Variants in PRKN observed in about 807,000 individuals in gnomAD.
PRKN encodes the protein E3 ubiquitin-protein ligase parkin.
Under a neutral mutation model 59.5 loss-of-function variants are expected in PRKN, and 56 were observed. The ratio of observed to expected loss-of-function variants is 0.94; its 90% CI spans 0.76 to 1.18. The LOEUF (loss-of-function observed/expected upper bound fraction) is 1.18, where lower values mean the gene tolerates loss of function less well. Among genes scored for constraint, PRKN ranks in the 50% most tolerant of loss-of-function variants. PRKN has a pLI of 0.00. For synonymous variants in PRKN, 250 were observed against 222.1 expected (o/e 1.13, Z -1.12); for missense variants, 657 against 596.4 (o/e 1.10, Z -1.06).
At chr6:162,125,381 G>A (rs1373878219) in intron 4 of PRKN, among the ~76,000 whole-genome samples, 3 of 152,130 alleles carry the variant, frequency 2.0e-5, no homozygotes, top group Non-Finnish European at 4.4e-5. Context: ...TTCTTCACTG[G>A]CGCAGAACTT....
At chr6:162,067,955 G>A (rs559775513) in intron 4 of PRKN, among the ~76,000 whole-genome samples, 5 of 152,292 alleles carry the variant, frequency 3.3e-5, no homozygotes, top group African/African-American at 1.2e-4. Flanking sequence ...GTTTTACCAT[G>A]AACTACAGTG....
chr6:161,789,153 C>T, intron 6 of PRKN, among the ~76,000 whole-genome samples: 1 of 152,220 alleles, frequency 6.6e-6, no homozygotes, highest in African/African-American at 2.4e-5. Context: ...GAGGAATAAA[C>T]ATGACACCAA....
chr6:162,328,823 T>C (rs763453811), intron 2 of PRKN, among the ~76,000 whole-genome samples: 4 of 152,100 alleles, frequency 2.6e-5, no homozygotes, highest in Non-Finnish European at 5.9e-5. Context: ...AGGCAGCCAA[T>C]GGTCATGCCC....
intron 7 of PRKN, among the ~76,000 whole-genome samples, chr6:161,644,722 G>T (rs1025870641): frequency 6.6e-5 from 10 of 152,220 alleles, no homozygotes; most frequent in Non-Finnish European, 1.5e-4. Flanking sequence ...CCTGGGGAGA[G>T]AGTCTATTTG....
At chr6:161,601,614 G>T (rs1045069414) in intron 7 of PRKN, among the ~76,000 whole-genome samples, 1 of 146,498 alleles carries the variant, frequency 6.8e-6, no homozygotes, top group African/African-American at 2.5e-5. Context: ...ACGGAGTTTC[G>T]CTCTGTAGCC....
chr6:161,644,233 C>G (rs1373755383), intron 7 of PRKN, among the ~76,000 whole-genome samples: 1 of 152,090 alleles, frequency 6.6e-6, no homozygotes, highest in Non-Finnish European at 1.5e-5. Context: ...CCCAAACTAA[C>G]CAGACTGTTG....
At chr6:161,871,442 C>T (rs1353633555) in intron 6 of PRKN, among the ~76,000 whole-genome samples, 3 of 152,140 alleles carry the variant, frequency 2.0e-5, no homozygotes, top group Non-Finnish European at 4.4e-5. Flanking sequence ...TAAAGCCATG[C>T]ACACACTTAG....
chr6:162,205,747 GAC>G (rs1339441681), intron 3 of PRKN, among the ~76,000 whole-genome samples: 1 of 132,290 alleles, frequency 7.6e-6, no homozygotes, highest in East Asian at 2.1e-4. Flanking sequence ...TACACACACA[GAC>G]ACACACACAC....
At position 161,422,927 on chromosome 6, in the gene PRKN, A is replaced by G. The variant is rs55819249; in HGVS notation, c.1084-36050T>C. On this transcript the variant is annotated intron_variant, in intron 9 of 11. Transcript: ENST00000366898. ...ACAGCAGCCCTTTTCTAGGGCTGAC[A>G]TCGACTGCCACATCACTCACAGCAT... Among the ~76,000 whole-genome samples the G allele has an allele frequency of 1.1e-3, 171 of 152,342 alleles. 2 individuals carry two copies. The highest frequency in any genetic ancestry group is 4.0e-3 in the African/African-American group (165 of 41,560).
At chr6:162,408,978 C>T (rs1403228418) in intron 2 of PRKN, among the ~76,000 whole-genome samples, 1 of 151,392 alleles carries the variant, frequency 6.6e-6, no homozygotes, top group Non-Finnish European at 1.5e-5. Context: ...CCTTGTCTTC[C>T]ATCCCTGCCT....
In PRKN at chr6:161,385,669, C is replaced by T. The variant is rs141814258; in HGVS notation, c.1167+1125G>A. Among the ~76,000 whole-genome samples, 27 of 152,308 alleles carry T rather than the reference C, an allele frequency of 1.8e-4. No homozygotes were observed. Among genetic ancestry groups the T allele is most frequent in the Non-Finnish European group, 3.1e-4 (21 of 68,032 alleles). On this transcript the variant is annotated intron_variant, in intron 10 of 11. Coordinates refer to ENST00000366898, the MANE Select transcript of PRKN (RefSeq NM_004562.3). This position sits in a 1 kb window ranked among gnomAD's most constrained non-coding sequence, Gnocchi z 4.9. ...TGGATGTAAATTGCTAGACTAACTC[C>T]GTTTCCCAGAGCCTCAGGTATACCC...
intron 1 of PRKN, among the ~76,000 whole-genome samples, chr6:162,542,254 T>C (rs959538559): frequency 6.6e-6 from 1 of 152,166 alleles, no homozygotes; most frequent in African/African-American, 2.4e-5. Context: ...TGAAAACAAC[T>C]GACATCAGGT....
chr6:162,412,394 C>T (rs1272800926), intron 2 of PRKN, among the ~76,000 whole-genome samples: 1 of 151,858 alleles, frequency 6.6e-6, no homozygotes, highest in African/African-American at 2.4e-5. Context: ...GTGGGGACTA[C>T]GGGACTCACT....
At chr6:162,436,176 CAAAAAAAAAAAAAAA>C (rs35792526) in intron 2 of PRKN, among the ~76,000 whole-genome samples, 2 of 54,686 alleles carry the variant, frequency 3.7e-5, no homozygotes, top group African/African-American at 6.6e-5. Flanking sequence ...ACTCCATCTC[CAAAAAAAAAAAAAAA>C]AAAAAAAAAA....
At chr6:162,155,814 A>G (rs2128314983) in intron 4 of PRKN, among the ~76,000 whole-genome samples, 1 of 151,954 alleles carries the variant, frequency 6.6e-6, no homozygotes, top group South Asian at 2.1e-4. Flanking sequence ...AAAAAAAAAA[A>G]AGAGTCAAGG....
At chr6:162,167,313 G>A (rs773402861) in intron 4 of PRKN, among the ~76,000 whole-genome samples, 11 of 152,140 alleles carry the variant, frequency 7.2e-5, no homozygotes, top group Non-Finnish European at 1.5e-4. Flanking sequence ...GGTAAAGCTG[G>A]AATGCCTGGA....
intron 2 of PRKN, among the ~76,000 whole-genome samples, chr6:162,415,116 C>T (rs565753720): frequency 2.6e-5 from 4 of 152,198 alleles, no homozygotes; most frequent in East Asian, 1.9e-4. Flanking sequence ...ATCGAAGATG[C>T]GGCAGAACCA....
rs539232566 is a variant in PRKN, at chr6:162,369,834, T to A, written c.171+73476A>T. ...TCTACATTTTGCATAGCACTAAGGA[T>A]GGCAGACCTAGGAGCTGAGTTAGCC... On this transcript the variant is annotated intron_variant, in intron 2 of 11. Transcript: ENST00000366898. Among the ~76,000 whole-genome samples, 8 of 152,256 alleles carry A rather than the reference T, an allele frequency of 5.3e-5. No homozygotes were observed. In the South Asian group the frequency reaches 1.4e-3, roughly 28 times the overall value.
rs868118116 is a variant in PRKN, at chr6:161,821,719, C to T, written c.735-35811G>A. On this transcript the variant is annotated intron_variant, in intron 6 of 11. Coordinates refer to ENST00000366898, the MANE Select transcript of PRKN (RefSeq NM_004562.3). ...TTTGGAAAATATTTCCACTGGTGTT[C>T]TTTTTTTTTTTTTTTTTTTTTTTTT... Among the ~76,000 whole-genome samples, 513 of 64,648 alleles carry T rather than the reference C, an allele frequency of 7.9e-3. 3 individuals are homozygous for T. The highest frequency in any genetic ancestry group is 0.024 in the African/African-American group (399 of 16,546). 42.4% of individuals were successfully genotyped at this position (64,648 alleles called of 152,430 possible). A position where few individuals can be genotyped will look rare whatever the true frequency, so the allele number is the denominator to read the frequency against.
Sources: allele counts gnomAD v4.1 joint callset (sites outside exome capture counted in the v4.1 genomes callset), GRCh38; gene constraint gnomAD v4.1.1; non-coding constraint Gnocchi (gnomAD v3.1); transcripts MANE v1.5; gene names NCBI Gene and HGNC (gene_info 2026-07-23, HGNC 2026-07-21).